Variants in GFOD1 observed in about 807,000 individuals in gnomAD.
GFOD1 encodes the protein glucose-fructose oxidoreductase domain-containing protein 1.
GFOD1 carries 9 observed loss-of-function variants against 25.4 expected under a neutral mutation model. The ratio of observed to expected loss-of-function variants is 0.35; its 90% CI spans 0.21 to 0.62. The LOEUF is 0.62. Among genes scored for constraint, GFOD1 ranks in the 20% least tolerant of loss-of-function variants. The pLI is 0.72. For missense variants in GFOD1, 403 were observed against 556.9 expected (o/e 0.72, Z 2.78); for synonymous variants, 253 against 245.6 (o/e 1.03, Z -0.28).
intron 1 of GFOD1, among the ~76,000 whole-genome samples, chr6:13,456,351 T>G (rs1758189019): frequency 1.3e-5 from 2 of 152,018 alleles, no homozygotes; most frequent in South Asian, 4.2e-4. Context: ...ACTTTTGTAT[T>G]TTTTGCAGAG....
Position 13,441,371 on chromosome 6 carries a change from TA to T in GFOD1, c.253+45266del, listed in dbSNP as rs571051486. Among the ~76,000 whole-genome samples, 17 of 152,344 alleles carry T rather than the reference TA, an allele frequency of 1.1e-4. No individual in the cohort carries two copies. The South Asian group carries it at 3.3e-3, about 30-fold the overall frequency. On this transcript the variant is annotated intron_variant, in intron 1 of 1. Coordinates refer to ENST00000379287, the MANE Select transcript of GFOD1 (RefSeq NM_018988.4). ...ACAAATCTGAGATCATTGCAAGTGA[TA>T]AATCTCTTTCAAACGAAATGTGGCA...
At chr6:13,435,678 T>G (rs1757822423) in intron 1 of GFOD1, among the ~76,000 whole-genome samples, 1 of 152,178 alleles carries the variant, frequency 6.6e-6, no homozygotes, top group Non-Finnish European at 1.5e-5. Flanking sequence ...ATCCAAACCA[T>G]GCAATGACTC....
At chr6:13,436,789 G>A (rs1308394531) in intron 1 of GFOD1, among the ~76,000 whole-genome samples, 1 of 152,162 alleles carries the variant, frequency 6.6e-6, no homozygotes, top group Admixed American at 6.5e-5. Flanking sequence ...TCTCCATTTC[G>A]TATATGAGAA....
rs372708656 is a variant in GFOD1 at position 13,412,452 on chromosome 6, T to C, written c.254-46790A>G. 2.6e-5 allele frequency among the ~76,000 whole-genome samples: 4 copies of C among 152,316 alleles called. No individual in the cohort carries two copies. The South Asian group carries it at 8.3e-4, about 32-fold the overall frequency. Reference sequence around the variant, plus strand: ...CTCCAAAACTATGAGAAGATAAATTTCCTTGTTTAGGCCACCCAGCGTAAA... The same window carrying C: ...CTCCAAAACTATGAGAAGATAAATTCCCTTGTTTAGGCCACCCAGCGTAAA... On this transcript the variant is annotated intron_variant, in intron 1 of 1. Transcript: ENST00000379287.
At chr6:13,371,009 G>A (rs1785140566) in intron 1 of GFOD1, among the ~76,000 whole-genome samples, 1 of 152,150 alleles carries the variant, frequency 6.6e-6, no homozygotes, top group Non-Finnish European at 1.5e-5. Flanking sequence ...ATCTGTCTTA[G>A]CATAGGAGAA....
intron 1 of GFOD1, among the ~76,000 whole-genome samples, chr6:13,477,216 G>GGTGTGTGTGTGTGT (rs60649261): frequency 7.1e-6 from 1 of 140,770 alleles, no homozygotes. Context: ...ACCAATAGGG[G>GGTGTGTGTGTGTGT]GTGTGTGTGT....
At chr6:13,381,915 GCACACACACACACACACACACA>G (rs112808546) in intron 1 of GFOD1, among the ~76,000 whole-genome samples, 3,919 of 140,126 alleles carry the variant, frequency 0.028, 146 homozygotes, top group African/African-American at 0.1. Flanking sequence ...ACGCGCGCGC[GCACACACACACACACACACACA>G]CACACACACA....
intron 1 of GFOD1, among the ~76,000 whole-genome samples, chr6:13,388,945 T>C (rs1337720111): frequency 6.6e-6 from 1 of 152,078 alleles, no homozygotes; most frequent in Non-Finnish European, 1.5e-5. Flanking sequence ...CATCAAAAAG[T>C]GGGCAAAGGA....
chr6:13,484,980 T>C (rs1554206984), intron 1 of GFOD1, among the ~76,000 whole-genome samples: 1 of 152,234 alleles, frequency 6.6e-6, no homozygotes, highest in Non-Finnish European at 1.5e-5. Context: ...ATAAGATCGT[T>C]ATAAGATATT....
chr6:13,357,880 C>T lies in GFOD1; in HGVS notation c.*6863G>A, dbSNP rs1217596180. 6.6e-6 allele frequency: 1 copy of T among 152,282 alleles called. No homozygotes were observed. Among genetic ancestry groups the T allele is most frequent in the Non-Finnish European group, 1.5e-5 (1 of 68,064 alleles). 9.4% of individuals were successfully genotyped at this position (152,282 alleles called of 1,614,324 possible). On this transcript the variant is annotated 3_prime_UTR_variant, in exon 2 of 2. Coordinates refer to ENST00000379287, the MANE Select transcript of GFOD1 (RefSeq NM_018988.4). Reference sequence around the variant, plus strand: ...TATCCTTTTCATTCCTTTATCCCACCAATGCAAATTGCGGAGAACAGCTGG... The same window carrying T: ...TATCCTTTTCATTCCTTTATCCCACTAATGCAAATTGCGGAGAACAGCTGG...
intron 1 of GFOD1, among the ~76,000 whole-genome samples, chr6:13,466,066 T>C (rs1423856910): frequency 6.6e-6 from 1 of 152,172 alleles, no homozygotes; most frequent in Admixed American, 6.5e-5. Flanking sequence ...GTAAAGTTAC[T>C]GCTAGGGCAG....
chr6:13,417,902 G>A (rs759594635), intron 1 of GFOD1, among the ~76,000 whole-genome samples: 3 of 152,146 alleles, frequency 2.0e-5, no homozygotes, highest in Non-Finnish European at 2.9e-5. Flanking sequence ...TGGAGAGCAC[G>A]TACACTCCTG....
intron 1 of GFOD1, among the ~76,000 whole-genome samples, chr6:13,388,370 A>C (rs1300533649): frequency 2.0e-5 from 3 of 152,374 alleles, no homozygotes; most frequent in East Asian, 3.9e-4. Context: ...ATATACTACA[A>C]GTCTACAGTA....
Position 13,411,616 on chromosome 6 carries a change from T to C in GFOD1, c.254-45954A>G, listed in dbSNP as rs376906708. Among the ~76,000 whole-genome samples, 39 of 152,298 alleles carry C rather than the reference T, an allele frequency of 2.6e-4. 1 individual carries two copies. The East Asian group carries it at 6.9e-3, about 27-fold the overall frequency. ...CCTCAGCTGCCCATTTTCATCCAGC[T>C]GTACCCTGCAGCCCGGTTTCCTCAG... On this transcript the variant is annotated intron_variant, in intron 1 of 1. Coordinates refer to ENST00000379287, the MANE Select transcript of GFOD1 (RefSeq NM_018988.4).
chr6:13,359,275 C>T lies in GFOD1; in HGVS notation c.*5468G>A, dbSNP rs1476951826. The T allele has an allele frequency of 6.6e-6, 1 of 152,332 alleles. No individual in the cohort carries two copies. The highest frequency in any genetic ancestry group is 2.4e-5 in the African/African-American group (1 of 41,472). The allele number at this position is 152,332 out of a possible 1,614,324, so 9.4% of individuals were successfully genotyped here. ...GCTGCACACCCCTTTTCTTCCACGG[C>T]CCTCCTCTTTCTCCCCAAAAGGAAA... is the stretch of plus-strand genomic sequence containing the variant. On this transcript the variant is annotated 3_prime_UTR_variant, in exon 2 of 2. Coordinates refer to ENST00000379287, the MANE Select transcript of GFOD1 (RefSeq NM_018988.4).
chr6:13,454,434 T>A (rs921875264), intron 1 of GFOD1, among the ~76,000 whole-genome samples: 1 of 152,176 alleles, frequency 6.6e-6, no homozygotes, highest in Non-Finnish European at 1.5e-5. Context: ...CATAACATAA[T>A]AATTGCACCT....
At chr6:13,383,737 T>C (rs1187552334) in intron 1 of GFOD1, among the ~76,000 whole-genome samples, 1 of 152,176 alleles carries the variant, frequency 6.6e-6, no homozygotes, top group African/African-American at 2.4e-5. Flanking sequence ...GCTTAACCAA[T>C]TAGAAATGCC....
In GFOD1 at chr6:13,486,498, T is replaced by C. The variant is rs370271749; in HGVS notation, c.253+140A>G. The C allele has an allele frequency of 1.2e-4, 89 of 723,584 alleles. 1 individual carries two copies. Among genetic ancestry groups the C allele is most frequent in the East Asian group, 8.6e-4 (32 of 37,018 alleles). 44.8% of individuals were successfully genotyped at this position (723,584 alleles called of 1,614,324 possible). ...AGGAAGGAGGGAGCTCTGAGTCGGATCTGGGATCTCAGATCCCCGGGGCAG... is the reference window on the plus strand; with the variant it reads ...AGGAAGGAGGGAGCTCTGAGTCGGACCTGGGATCTCAGATCCCCGGGGCAG... On this transcript the variant is annotated intron_variant, in intron 1 of 1. Transcript: ENST00000379287.
At chr6:13,379,979 C>A (rs1785328081) in intron 1 of GFOD1, among the ~76,000 whole-genome samples, 1 of 152,196 alleles carries the variant, frequency 6.6e-6, no homozygotes, top group Non-Finnish European at 1.5e-5. Flanking sequence ...AATAATAACA[C>A]CTTCTTCAAC....
Sources: allele counts gnomAD v4.1 joint callset (sites outside exome capture counted in the v4.1 genomes callset), GRCh38; gene constraint gnomAD v4.1.1; transcripts MANE v1.5; gene names NCBI Gene and HGNC (gene_info 2026-07-23, HGNC 2026-07-21).